Variants in LRGUK observed in about 807,000 individuals in gnomAD.
LRGUK encodes leucine rich repeats and guanylate kinase domain containing, also known as leucine-rich repeat and guanylate kinase domain-containing protein.
A neutral mutation model predicts 76.0 loss-of-function variants in LRGUK; 65 were observed. The ratio of observed to expected loss-of-function variants is 0.85; its 90% confidence interval spans 0.70 to 1.05. LRGUK has a LOEUF of 1.05. Ranked by LOEUF, LRGUK falls within the 50% of genes least tolerant of loss-of-function variation. LRGUK has a pLI of 0.00. For synonymous variants in LRGUK, 268 were observed against 265.6 expected (o/e 1.01, Z -0.09); for missense variants, 758 against 732.8 (o/e 1.03, Z -0.40).
chr7:134,215,102 A>G (rs1056876029), downstream of LRGUK, among the ~76,000 whole-genome samples: 5 of 152,158 alleles, frequency 3.3e-5, no homozygotes, highest in African/African-American at 1.2e-4. Context: ...TTAGAAAATT[A>G]TATGTACTTA....
intron 16 of LRGUK, among the ~76,000 whole-genome samples, chr7:134,241,895 A>G (rs1335072234): frequency 6.6e-6 from 1 of 152,250 alleles, no homozygotes; most frequent in Non-Finnish European, 1.5e-5. Context: ...CTCAGGATTA[A>G]GAAACTCACT....
intron 7 of LRGUK, 46 bp from the exon 8 acceptor site, chr7:134,174,510 C>T (rs1485864928): frequency 8.6e-7 from 1 of 1,166,848 alleles, no homozygotes; most frequent in African/African-American, 1.5e-5. Flanking sequence ...TTTCTATTGT[C>T]TTTGTGCATT....
At chr7:134,199,624 T>C (rs1317166153) in intron 14 of LRGUK, among the ~76,000 whole-genome samples, 1 of 152,106 alleles carries the variant, frequency 6.6e-6, no homozygotes, top group East Asian at 1.9e-4. Context: ...TTCTTAAGAT[T>C]GTAGCTAATA....
intron 19 of LRGUK, among the ~76,000 whole-genome samples, chr7:134,260,080 A>G (rs1802681890): frequency 6.6e-6 from 1 of 152,170 alleles, no homozygotes; most frequent in African/African-American, 2.4e-5. Flanking sequence ...TTCTAATTCC[A>G]TTTCTCTACT....
chr7:134,227,185 G>T (rs1160829090), intron 16 of LRGUK, among the ~76,000 whole-genome samples: 3 of 152,150 alleles, frequency 2.0e-5, no homozygotes, highest in Admixed American at 2.0e-4. Context: ...GCTAATTGAG[G>T]TAGACATGGT....
intron 4 of LRGUK, among the ~76,000 whole-genome samples, chr7:134,147,079 G>C (rs1798002773): frequency 6.6e-6 from 1 of 152,076 alleles, no homozygotes; most frequent in South Asian, 2.1e-4. Context: ...TCAATTTTGA[G>C]AAAGAATGTA....
At chr7:134,233,235 A>G (rs575527892) in intron 16 of LRGUK, among the ~76,000 whole-genome samples, 2 of 152,352 alleles carry the variant, frequency 1.3e-5, no homozygotes, top group East Asian at 3.9e-4. Context: ...CATGAAGGCT[A>G]TGCTGACTTA....
Position 134,208,886 on chromosome 7 carries a change from C to T in LRGUK, c.2023C>T (p.Gln675Ter), listed in dbSNP as rs1489165992. Reference sequence around the variant, plus strand: ...TCCTGCCCAGAACCAAGAGCTGGCTCAGGATGGAGAAACCCATCAAAAAGA... The same window carrying T: ...TCCTGCCCAGAACCAAGAGCTGGCTTAGGATGGAGAAACCCATCAAAAAGA... The change falls in exon 16 of 16, where the codon CAG becomes TAG. Residue 675 changes from glutamine (Q) to a stop codon, truncating the protein, a stop_gained. Transcript: ENST00000645682. LOFTEE classifies it low-confidence loss of function (END_TRUNC). 4 of 398,886 alleles carry T rather than the reference C, an allele frequency of 1.0e-5. No individual in the cohort carries two copies. Among genetic ancestry groups the T allele is most frequent in the Non-Finnish European group, 1.8e-5 (4 of 226,074 alleles). The allele number at this position is 398,886 out of a possible 1,614,324, so 24.7% of individuals were successfully genotyped here.
At chr7:134,236,220 C>T (rs1283740369) in intron 16 of LRGUK, among the ~76,000 whole-genome samples, 1 of 152,156 alleles carries the variant, frequency 6.6e-6, no homozygotes, top group Non-Finnish European at 1.5e-5. Flanking sequence ...TCCAGAAGCC[C>T]TTCCATGAGC....
chr7:134,226,554 T>C (rs1801769634), intron 16 of LRGUK, among the ~76,000 whole-genome samples: 1 of 152,196 alleles, frequency 6.6e-6, no homozygotes, highest in Admixed American at 6.5e-5. Flanking sequence ...TACATGTTTA[T>C]GTGTGTATTT....
chr7:134,209,089 C>T, exon 16 of LRGUK: 1 of 399,176 alleles, frequency 2.5e-6, no homozygotes, highest in Non-Finnish European at 4.4e-6. Flanking sequence ...AGGTGGAAGC[C>T]AGTGAGGTTG....
At chr7:134,203,063 C>A (rs543377611) in intron 15 of LRGUK, among the ~76,000 whole-genome samples, 1 of 152,076 alleles carries the variant, frequency 6.6e-6, no homozygotes, top group South Asian at 2.1e-4. Context: ...ATTAGCCAGG[C>A]GTGGTGGCAT....
chr7:134,268,845 T>C (rs1206676320), downstream of LRGUK, among the ~76,000 whole-genome samples: 1 of 122,106 alleles, frequency 8.2e-6, no homozygotes, highest in Non-Finnish European at 1.9e-5. Flanking sequence ...TTCTCCTGCC[T>C]CAGCCTCCTG....
At chr7:134,259,549 A>G (rs895523868) in intron 19 of LRGUK, among the ~76,000 whole-genome samples, 1 of 152,196 alleles carries the variant, frequency 6.6e-6, no homozygotes, top group Non-Finnish European at 1.5e-5. Context: ...AGAAGACACA[A>G]TAGATACTGT....
chr7:134,244,962 A>C (rs996684381), intron 16 of LRGUK, among the ~76,000 whole-genome samples: 28 of 151,878 alleles, frequency 1.8e-4, no homozygotes, highest in Non-Finnish European at 4.1e-4. Flanking sequence ...ACAGGAAATC[A>C]AACACCACAT....
chr7:134,226,332 G>A (rs904856316), intron 16 of LRGUK, among the ~76,000 whole-genome samples: 1 of 150,492 alleles, frequency 6.6e-6, no homozygotes, highest in African/African-American at 2.5e-5. Context: ...TTTCTCTCCC[G>A]CTCAAATCCA....
At chr7:134,178,662 G>T in intron 10 of LRGUK, 53 bp downstream of exon 10, 1 of 1,397,584 alleles carries the variant, frequency 7.2e-7, no homozygotes. Context: ...GCAAAAGACA[G>T]CCTCATCACT....
chr7:134,247,785 G>A (rs769001824), intron 17 of LRGUK, 141 bp downstream of exon 17: 2 of 542,300 alleles, frequency 3.7e-6, no homozygotes, highest in Non-Finnish European at 6.4e-6. Context: ...AGTTCTAGAA[G>A]TTGTATTTCC....
At chr7:134,218,670 G>A (rs1801499284) in intron 15 of LRGUK, among the ~76,000 whole-genome samples, 2 of 152,102 alleles carry the variant, frequency 1.3e-5, no homozygotes, top group Non-Finnish European at 2.9e-5. Flanking sequence ...TATTTAGTCT[G>A]TTTGATGATA....
Sources: gnomAD v4.1 joint callset for allele counts (sites outside exome capture counted in the v4.1 genomes callset) on GRCh38, gnomAD v4.1.1 for gene constraint, MANE v1.5 for transcripts, NCBI Gene and HGNC (gene_info 2026-07-23, HGNC 2026-07-21) for gene names.